Variants in SLC26A4 observed in about 807,000 individuals in gnomAD.
SLC26A4 encodes the protein solute carrier family 26 member 4.
In SLC26A4, 93 loss-of-function variants were observed where a neutral mutation model predicts 90.4. The observed-to-expected ratio is 1.03, with a 90% CI of 0.87 to 1.22. SLC26A4 has a LOEUF of 1.22. Ranked by LOEUF, SLC26A4 falls within the 50% of genes most tolerant of loss-of-function variation. SLC26A4 has a pLI of 0.00. For missense variants in SLC26A4, 1,127 were observed against 946.2 expected, an observed-to-expected ratio of 1.19 and a Z score of -2.51; for synonymous variants, 393 against 354.6, an observed-to-expected ratio of 1.11 and a Z score of -1.22.
At chr7:107,680,194 TC>T (rs1791179111) in intron 6 of SLC26A4, among the ~76,000 whole-genome samples, 1 of 121,658 alleles carries the variant, frequency 8.2e-6, no homozygotes, top group Non-Finnish European at 1.6e-5. Flanking sequence ...TATAATCTTA[TC>T]TTATTATATA....
chr7:107,669,146 C>A (rs528088276), intron 3 of SLC26A4, among the ~76,000 whole-genome samples: 1 of 151,988 alleles, frequency 6.6e-6, no homozygotes, highest in South Asian at 2.1e-4. Context: ...TTAGTAGAGA[C>A]GAGATTTCAC....
At chr7:107,709,950 G>A (rs1198413201) in intron 18 of SLC26A4, 104 bp from the exon 19 acceptor site, 9 of 900,536 alleles carry the variant, frequency 1.0e-5, no homozygotes, top group Non-Finnish European at 1.4e-5. Flanking sequence ...GAGCAATGAT[G>A]CCACTGCACT....
At position 107,710,183 on chromosome 7, in the gene SLC26A4, G is replaced by C. The variant is rs111033310; in HGVS notation, c.2219G>C (p.Gly740Ala). 10 of 1,604,830 alleles carry C rather than the reference G, an allele frequency of 6.2e-6. No homozygotes were observed. In the African/African-American group the frequency reaches 1.2e-4, roughly 19 times the overall value. ...QNQVKSQEGQGSILETITLIQ... is the reference protein window; with the variant it reads ...QNQVKSQEGQASILETITLIQ... ...CAAGTGAAATCTCAAGAGGGTCAAGGTTCCATTTTAGAAACGGTAAATATT... is the reference window on the plus strand; with the variant it reads ...CAAGTGAAATCTCAAGAGGGTCAAGCTTCCATTTTAGAAACGGTAAATATT... The change falls in exon 19 of 21, where the codon GGT becomes GCT. Residue 740 changes from glycine to alanine, a missense_variant. Coordinates refer to ENST00000644269, the MANE Select transcript of SLC26A4 (RefSeq NM_000441.2).
At chr7:107,693,839 A>C in intron 10 of SLC26A4, 2 of 362,930 alleles carry the variant, frequency 5.5e-6, no homozygotes, top group Non-Finnish European at 4.0e-6. Context: ...CCACCTCTCA[A>C]TGTGCAAATG....
Position 107,683,274 on chromosome 7 carries a change from G to A in SLC26A4, c.838G>A (p.Val280Ile), listed in dbSNP as rs144045516. ...TTTCACTGCTGGATTGCTCACCATT[G>A]TCGTCTGTATGGCAGTTAAGGAATT... ...ADFTAGLLTI[V>I]VCMAVKELND... Residue 280 changes from valine to isoleucine, a missense_variant, in exon 7 of 21, where the codon GTC (valine) becomes ATC (isoleucine). By Grantham distance (29) the Val-to-Ile change is conservative (BLOSUM62 3). Transcript: ENST00000644269. The A allele has an allele frequency of 4.3e-6, 7 of 1,613,280 alleles. No individual in the cohort carries two copies. Among genetic ancestry groups the A allele is most frequent in the Non-Finnish European group, 5.9e-6 (7 of 1,179,696 alleles).
Position 107,690,193 on chromosome 7 carries a change from C to A in SLC26A4, c.1219C>A (p.Leu407Ile). 6.2e-7 allele frequency: 1 copy of A among 1,613,308 alleles called. No homozygotes were observed. The highest frequency in any genetic ancestry group is 8.5e-7 in the Non-Finnish European group (1 of 1,179,312). The change falls in exon 10 of 21, where the codon CTT becomes ATT. Residue 407 changes from leucine (L) to isoleucine (I), a missense_variant. Leu to Ile is a conservative substitution (Grantham distance 5). Transcript: ENST00000644269. ...FFSCFVATTALSRTAVQESTG... is the reference protein window; with the variant it reads ...FFSCFVATTAISRTAVQESTG... The stretch of plus-strand genomic sequence containing the variant: ...CTCTTGTTTTGTGGCCACCACTGCT[C>A]TTTCCCGCACGGCCGTCCAGGAGAG...
chr7:107,715,472 G>A lies in SLC26A4; in HGVS notation c.*26G>A. 6.3e-7 allele frequency: 1 copy of A among 1,596,206 alleles called. No homozygotes were observed. The highest frequency in any genetic ancestry group is 8.6e-7 in the Non-Finnish European group (1 of 1,163,646). ...AAGTGGGTTCGGGAGGTCTCTATGA[G>A]CAAGGAATACAAGACAAAACTTCCT... On this transcript the variant is annotated 3_prime_UTR_variant, in exon 21 of 21. Transcript: ENST00000644269.
intron 3 of SLC26A4, among the ~76,000 whole-genome samples, chr7:107,664,927 C>T (rs770861641): frequency 2.0e-4 from 31 of 152,146 alleles, no homozygotes; most frequent in Admixed American, 1.0e-3. Context: ...ATGTTCCAGG[C>T]ACTAGGTATG....
intron 3 of SLC26A4, among the ~76,000 whole-genome samples, chr7:107,668,456 T>C (rs1584300252): frequency 6.6e-6 from 1 of 151,978 alleles, no homozygotes; most frequent in African/African-American, 2.4e-5. Flanking sequence ...ATTTTGGAGG[T>C]GGTGGTGTGG....
intron 18 of SLC26A4, among the ~76,000 whole-genome samples, chr7:107,709,479 C>T (rs529133655): frequency 4.1e-4 from 63 of 152,238 alleles, no homozygotes; most frequent in Non-Finnish European, 7.9e-4. Context: ...ACCATATTGC[C>T]CAGAAGTTCT....
chr7:107,699,941 AAAG>A, intron 14 of SLC26A4, 139 bp from the exon 15 acceptor site: 6 of 606,654 alleles, frequency 9.9e-6, no homozygotes, highest in Non-Finnish European at 8.8e-6. Flanking sequence ...AAAAAAAAAA[AAAG>A]AAAAGAAAGA....
Position 107,674,225 on chromosome 7 carries a change from A to T in SLC26A4, c.477A>T (p.Glu159Asp). 1 of 1,614,140 alleles carries T rather than the reference A, an allele frequency of 6.2e-7. No individual in the cohort carries two copies. The change falls in exon 5 of 21, where the codon GAA (glutamate) becomes GAT (aspartate). Residue 159 changes from glutamate to aspartate, a missense_variant. Glu to Asp is a conservative substitution (Grantham distance 45). Transcript: ENST00000644269. ...GSVVLSMAPD[E>D]HFLVSSSNGT... ...TTGTTCTGAGCATGGCCCCCGACGA[A>T]CACTTTCTCGTATCCAGCAGCAATG...
intron 14 of SLC26A4, among the ~76,000 whole-genome samples, chr7:107,698,984 T>C (rs1285695334): frequency 1.3e-5 from 2 of 152,030 alleles, no homozygotes; most frequent in Non-Finnish European, 2.9e-5. Context: ...TAGCAAATAA[T>C]AATAATAATA....
chr7:107,666,597 A>G (rs1207439771), intron 3 of SLC26A4, among the ~76,000 whole-genome samples: 2 of 152,198 alleles, frequency 1.3e-5, no homozygotes, highest in Admixed American at 6.5e-5. Flanking sequence ...AAAAGACAAG[A>G]GAATGAGAAG....
At chr7:107,708,477 C>A (rs1792089748) in intron 18 of SLC26A4, among the ~76,000 whole-genome samples, 1 of 152,144 alleles carries the variant, frequency 6.6e-6, no homozygotes. Flanking sequence ...TTCCTTCCTG[C>A]CTTGTTTTGA....
intron 15 of SLC26A4, among the ~76,000 whole-genome samples, chr7:107,700,786 G>A (rs1791864012): frequency 6.6e-6 from 1 of 152,158 alleles, no homozygotes; most frequent in South Asian, 2.1e-4. Context: ...TAACAAAAGG[G>A]CTCTGTGATA....
Position 107,661,493 on chromosome 7 carries a change from G to C in SLC26A4, c.-3-146G>C. 1.1e-6 allele frequency: 1 copy of C among 922,728 alleles called. No individual in the cohort carries two copies. 57.2% of individuals were successfully genotyped at this position (922,728 alleles called of 1,614,324 possible). The stretch of plus-strand genomic sequence containing the variant: ...TGGGGCGCTTGTCGCGAGCGCCGAG[G>C]GCTGCAGGACGCGGACCAGACTCGC... On this transcript the variant is annotated intron_variant, in intron 1 of 20. Transcript: ENST00000644269. This position sits in a 1 kb window ranked among gnomAD's most constrained non-coding sequence, Gnocchi z 5.1.
chr7:107,685,077 T>C (rs1464062077), intron 8 of SLC26A4, among the ~76,000 whole-genome samples: 2 of 152,162 alleles, frequency 1.3e-5, no homozygotes, highest in Admixed American at 1.3e-4. Context: ...GACCACCTGG[T>C]CAGCTTGGTC....
chr7:107,692,020 A>G (rs1221044474), intron 10 of SLC26A4: 1 of 1,289,126 alleles, frequency 7.8e-7, no homozygotes, highest in Non-Finnish European at 1.0e-6. Context: ...CAAACTGCTG[A>G]TGTCCATTCT....
Sources: gnomAD v4.1 joint callset for allele counts (sites outside exome capture counted in the v4.1 genomes callset) on GRCh38, gnomAD v4.1.1 for gene constraint, Gnocchi (gnomAD v3.1) non-coding constraint, MANE v1.5 for transcripts, NCBI Gene and HGNC (gene_info 2026-07-23, HGNC 2026-07-21) for gene names.